Variants in COL24A1 observed in about 807,000 individuals in gnomAD.
The protein encoded by COL24A1 is collagen alpha-1(XXIV) chain.
In COL24A1, 224 loss-of-function variants were observed where a neutral mutation model predicts 253.9. The ratio of observed to expected loss-of-function variants is 0.88; its 90% CI spans 0.79 to 0.99. The LOEUF (loss-of-function observed/expected upper bound fraction) is 0.99, where lower values mean the gene tolerates loss of function less well. Among genes scored for constraint, COL24A1 ranks in the 50% least tolerant of loss-of-function variants. The pLI is 0.00. For synonymous variants in COL24A1, 685 were observed against 673.7 expected, an observed-to-expected ratio of 1.02 and a Z score of -0.26; for missense variants, 2,131 against 2,068.5, an observed-to-expected ratio of 1.03 and a Z score of -0.59.
At chr1:86,146,233 C>G in intron 1 of COL24A1, 50 bp from the exon 2 acceptor site, 1 of 1,440,034 alleles carries the variant, frequency 6.9e-7, no homozygotes, top group Non-Finnish European at 9.7e-7. Flanking sequence ...TGGACATTTA[C>G]AACCATATAG....
chr1:85,908,725 T>A, intron 26 of COL24A1, 74 bp from the exon 27 acceptor site: 3 of 615,028 alleles, frequency 4.9e-6, no homozygotes, highest in Non-Finnish European at 7.9e-6. Flanking sequence ...GACAAGCCAG[T>A]AAATTATAAA....
chr1:86,000,097 C>T lies in COL24A1; in HGVS notation c.2311-12443G>A, dbSNP rs572901632. 1.0e-3 allele frequency among the ~76,000 whole-genome samples: 158 copies of T among 152,286 alleles called. 1 individual carries two copies. Among genetic ancestry groups the T allele is most frequent in the African/African-American group, 3.7e-3 (154 of 41,570 alleles). Reference sequence around the variant, plus strand: ...GGCTCTGCTTATATGGTTCACTGTGCTTGGAATGCCCTCCTCTTTTCCTGC... The same window carrying T: ...GGCTCTGCTTATATGGTTCACTGTGTTTGGAATGCCCTCCTCTTTTCCTGC... On this transcript the variant is annotated intron_variant, in intron 19 of 59. Transcript: ENST00000370571.
chr1:86,148,374 G>A (rs1234660018), intron 1 of COL24A1, among the ~76,000 whole-genome samples: 6 of 151,840 alleles, frequency 4.0e-5, no homozygotes, highest in Non-Finnish European at 7.4e-5. Flanking sequence ...TATACTTTAA[G>A]TTTTAGGGTA....
chr1:85,907,033 A>C (rs1684902615), intron 28 of COL24A1, among the ~76,000 whole-genome samples, 161 bp downstream of exon 28: 1 of 151,950 alleles, frequency 6.6e-6, no homozygotes, highest in South Asian at 2.1e-4. Context: ...GTTGTATTTC[A>C]ATTAACATAG....
chr1:86,106,698 C>A (rs1705013066), intron 5 of COL24A1, among the ~76,000 whole-genome samples: 1 of 151,984 alleles, frequency 6.6e-6, no homozygotes, highest in African/African-American at 2.4e-5. Context: ...ACCCAGGTGG[C>A]ATTTGATAAC....
At chr1:86,129,636 G>A (rs1648851736) in intron 2 of COL24A1, among the ~76,000 whole-genome samples, 1 of 151,468 alleles carries the variant, frequency 6.6e-6, no homozygotes. Flanking sequence ...ATTTTTATTT[G>A]TATTTTCTCT....
intron 5 of COL24A1, among the ~76,000 whole-genome samples, chr1:86,103,080 A>G: frequency 6.6e-6 from 1 of 152,194 alleles, no homozygotes. Flanking sequence ...GGATGCATAT[A>G]TATTTAGAAA....
rs1241035001 is a variant in COL24A1, at chr1:85,896,020, C to T, written c.2877+1G>A. 4.3e-6 allele frequency: 7 copies of T among 1,610,482 alleles called. No homozygotes were observed. The highest frequency in any genetic ancestry group is 5.9e-6 in the Non-Finnish European group (7 of 1,178,994). The stretch of plus-strand genomic sequence containing the variant: ...TTAATGTGAAATGTTTTATTACTTA[C>T]AATAAGACCATGAGGCCCTCTTTTT... On this transcript the variant is annotated splice_donor_variant, in intron 30 of 59. Transcript: ENST00000370571. LOFTEE classifies it high-confidence loss of function.
In COL24A1 at chr1:85,734,788, G is replaced by A. The variant is rs199906400; in HGVS notation, c.4959C>T (p.Asn1653=). Residue 1653 remains asparagine, a synonymous_variant, in exon 59 of 60, where the codon AAC becomes AAT. Coordinates refer to ENST00000370571, the MANE Select transcript of COL24A1 (RefSeq NM_152890.7). The part of the protein sequence containing the change: ...KGWNGQIFKV[N]TLLEPKVLSD... ...AAAGCACTTTAGGTTCAAGTAGAGTGTTTACTTTAAAAATCTGGCCATTCC... is the reference window on the plus strand; with the variant it reads ...AAAGCACTTTAGGTTCAAGTAGAGTATTTACTTTAAAAATCTGGCCATTCC... The A allele has an allele frequency of 3.3e-5, 53 of 1,614,196 alleles. No homozygotes were observed. In the East Asian group the frequency reaches 1.2e-3, roughly 36 times the overall value.
intron 47 of COL24A1, among the ~76,000 whole-genome samples, chr1:85,814,834 G>A (rs1393997257): frequency 1.3e-5 from 2 of 152,132 alleles, no homozygotes; most frequent in Admixed American, 6.5e-5. Context: ...TATCTCATAA[G>A]CTGAACATCT....
chr1:85,896,152 C>CA (rs1035210423), intron 29 of COL24A1, 87 bp from the exon 30 acceptor site: 50 of 1,368,286 alleles, frequency 3.7e-5, no homozygotes, highest in Non-Finnish European at 4.6e-5. Context: ...CACTCACATA[C>CA]AAAAAAGACA....
chr1:86,088,863 C>CACTG (rs35857998), intron 7 of COL24A1, among the ~76,000 whole-genome samples: 67,067 of 151,580 alleles, frequency 0.44, 15,672 homozygotes, highest in Non-Finnish European at 0.52. Context: ...AATATTCTAT[C>CACTG]ACTGACTTTC....
At chr1:86,084,771 C>T (rs924032397) in intron 7 of COL24A1, among the ~76,000 whole-genome samples, 41 of 152,322 alleles carry the variant, frequency 2.7e-4, no homozygotes, top group African/African-American at 7.9e-4. Context: ...CCCAAAACTA[C>T]GCCACTTTGG....
intron 28 of COL24A1, 32 bp from the exon 29 acceptor site, chr1:85,896,441 T>A (rs1337299296): frequency 6.4e-7 from 1 of 1,572,220 alleles, no homozygotes; most frequent in Non-Finnish European, 8.7e-7. Flanking sequence ...TGTTGTTAAT[T>A]TGAAATGTTC....
intron 7 of COL24A1, among the ~76,000 whole-genome samples, chr1:86,085,117 T>C (rs1461568469): frequency 6.6e-6 from 1 of 152,210 alleles, no homozygotes; most frequent in Non-Finnish European, 1.5e-5. Context: ...CTATATTCAG[T>C]ATTAATATAG....
intron 24 of COL24A1, among the ~76,000 whole-genome samples, chr1:85,944,782 T>A (rs1689098001): frequency 6.6e-6 from 1 of 151,750 alleles, no homozygotes; most frequent in Admixed American, 6.6e-5. Context: ...CAGAGTGTGA[T>A]GTTCCCCTTC....
At position 85,897,785 on chromosome 1, in the gene COL24A1, G is replaced by C. The variant is rs184409918; in HGVS notation, c.2779-1376C>G. The stretch of plus-strand genomic sequence containing the variant: ...AAAAGGAATTATGTTAAGTGTTACA[G>C]TGATTTATAATTGAGAGAAAGTTTC... On this transcript the variant is annotated intron_variant, in intron 28 of 59. Transcript: ENST00000370571. Among the ~76,000 whole-genome samples, 183 of 152,294 alleles carry C rather than the reference G, an allele frequency of 1.2e-3. 1 individual carries two copies. Among genetic ancestry groups the C allele is most frequent in the African/African-American group, 4.2e-3 (173 of 41,558 alleles).
At chr1:86,121,290 T>TA (rs66557706) in intron 3 of COL24A1, among the ~76,000 whole-genome samples, 1 of 151,772 alleles carries the variant, frequency 6.6e-6, no homozygotes, top group South Asian at 2.1e-4. Flanking sequence ...TAAAGTATAA[T>TA]AAAAAAAAAT....
chr1:85,965,096 T>C lies in COL24A1; in HGVS notation c.2464-34A>G, dbSNP rs1198052203. 3.9e-6 allele frequency: 6 copies of C among 1,541,236 alleles called. No individual in the cohort carries two copies. In the East Asian group the frequency reaches 6.8e-5, roughly 18 times the overall value. On this transcript the variant is annotated intron_variant, in intron 22 of 59. Coordinates refer to ENST00000370571, the MANE Select transcript of COL24A1 (RefSeq NM_152890.7). ...GAACAGCATAAAAGAAGAAAGTATA[T>C]ATGTTTAGTCATTCTCATTTTTGAA...
Sources: gnomAD v4.1 joint callset for allele counts (sites outside exome capture counted in the v4.1 genomes callset) on GRCh38, gnomAD v4.1.1 for gene constraint, MANE v1.5 for transcripts, NCBI Gene and HGNC (gene_info 2026-07-23, HGNC 2026-07-21) for gene names.